The following BRCA1 variants were observed in gnomAD, a reference collection of about 807,000 sequenced individuals.
BRCA1 encodes BRCA1 DNA repair associated, also known as breast cancer type 1 susceptibility protein.
Under a neutral mutation model 173.7 loss-of-function variants are expected in BRCA1, and 140 were observed. The ratio of observed to expected loss-of-function variants is 0.81; its 90% CI spans 0.70 to 0.93. The LOEUF is 0.93. Ranked by LOEUF, BRCA1 falls within the 40% of genes least tolerant of loss-of-function variation. The probability of loss-of-function intolerance (pLI) is 0.00; values close to 1 mark genes in which losing one functional copy is unlikely to be tolerated. For synonymous variants in BRCA1, 662 were observed against 756.0 expected, an observed-to-expected ratio of 0.88 and a Z score of 2.04; for missense variants, 1,983 against 2,172.5, an observed-to-expected ratio of 0.91 and a Z score of 1.73.
At chr17:43,091,161 C>T (rs1401366489) in intron 10 of BRCA1, 129 bp from the exon 11 acceptor site, 18 of 1,015,634 alleles carry the variant, frequency 1.8e-5, no homozygotes, top group Non-Finnish European at 2.7e-5. Context: ...AAATTCCTTG[C>T]TTTGGGACAC....
chr17:43,125,428 G>A (rs916153090), upstream of BRCA1: 12 of 374,450 alleles, frequency 3.2e-5, no homozygotes, highest in African/African-American at 2.5e-4. Context: ...CCGTTGCCAC[G>A]GAAACCAAGG....
rs80357507 is a variant in BRCA1 at position 43,093,329 on chromosome 17, TTTCTC to T, written c.2197_2201del (p.Glu733ThrfsTer5). On this transcript the variant is annotated frameshift_variant, in exon 10 of 23. Coordinates refer to ENST00000357654, the MANE Select transcript of BRCA1 (RefSeq NM_007294.4). LOFTEE classifies it high-confidence loss of function. ...TATTAGACACTTTAACTGTTTCTAG[TTTCTC>T]TTCTTTTTCTTCTCTTGGAAGGCTA... 1.2e-6 allele frequency: 2 copies of T among 1,613,394 alleles called. No individual in the cohort carries two copies. The highest frequency in any genetic ancestry group is 1.7e-6 in the Non-Finnish European group (2 of 1,179,892).
intron 1 of BRCA1, among the ~76,000 whole-genome samples, chr17:43,159,155 G>T (rs1283895296): frequency 6.6e-6 from 1 of 152,240 alleles, no homozygotes; most frequent in East Asian, 1.9e-4. Context: ...GGAGGCTGAG[G>T]TGGGAGGATC....
At chr17:43,106,824 T>C (rs1459429779) in intron 3 of BRCA1, among the ~76,000 whole-genome samples, 1 of 152,236 alleles carries the variant, frequency 6.6e-6, no homozygotes, top group Non-Finnish European at 1.5e-5. Context: ...TATTTAATGA[T>C]ATATTCATAA....
At chr17:43,065,234 C>A (rs1295931184) in intron 16 of BRCA1, among the ~76,000 whole-genome samples, 3 of 152,116 alleles carry the variant, frequency 2.0e-5, no homozygotes, top group African/African-American at 7.2e-5. Context: ...CTTGTTCTGG[C>A]ACCTGGCTCC....
chr17:43,085,163 A>G (rs2053178418), intron 11 of BRCA1, among the ~76,000 whole-genome samples: 1 of 152,148 alleles, frequency 6.6e-6, no homozygotes, highest in African/African-American at 2.4e-5. Context: ...ATACAGCTAC[A>G]TTACTGTAGA....
intron 1 of BRCA1, among the ~76,000 whole-genome samples, chr17:43,156,552 G>GGGAAAAA: frequency 6.6e-6 from 1 of 152,194 alleles, no homozygotes; most frequent in African/African-American, 2.4e-5. Context: ...GAGATGACTT[G>GGGAAAAA]TACCAATGTG....
At chr17:43,135,687 G>C (rs1382097770) in intron 1 of BRCA1, among the ~76,000 whole-genome samples, 4 of 152,146 alleles carry the variant, frequency 2.6e-5, no homozygotes, top group Non-Finnish European at 5.9e-5. Flanking sequence ...CTAAAGCCTC[G>C]GCTCCAACCG....
chr17:43,141,667 C>G (rs544037095), intron 1 of BRCA1, among the ~76,000 whole-genome samples: 1 of 150,626 alleles, frequency 6.6e-6, no homozygotes, highest in Admixed American at 6.6e-5. Context: ...AAAAAATTAG[C>G]CAGGTGTGGT....
chr17:43,147,441 G>T (rs911866675), intron 1 of BRCA1, among the ~76,000 whole-genome samples: 3 of 151,968 alleles, frequency 2.0e-5, no homozygotes, highest in Admixed American at 1.3e-4. Context: ...TGCCCGCCTC[G>T]GCCTCCCAAA....
chr17:43,103,989 C>A, intron 6 of BRCA1, 133 bp downstream of exon 6: 2 of 1,173,986 alleles, frequency 1.7e-6, no homozygotes, highest in Non-Finnish European at 2.4e-6. Context: ...TGCCTGTAAT[C>A]CCAGCTACTA....
chr17:43,047,569 C>G (rs2152751595), intron 22 of BRCA1, 74 bp downstream of exon 22: 1 of 1,422,840 alleles, frequency 7.0e-7, no homozygotes, highest in East Asian at 2.3e-5. Flanking sequence ...GCTACTCAAG[C>G]ACCAGGTAAT....
intron 1 of BRCA1, among the ~76,000 whole-genome samples, chr17:43,133,637 CTTT>C (rs34083503): frequency 5.0e-5 from 7 of 138,668 alleles, no homozygotes; most frequent in Admixed American, 1.5e-4. Context: ...TTTTCACTTC[CTTT>C]TTTTTTTTTT....
At chr17:43,124,198 A>C in intron 1 of BRCA1, 83 bp from the exon 2 acceptor site, 1 of 837,186 alleles carries the variant, frequency 1.2e-6, no homozygotes, top group Non-Finnish European at 1.9e-6. Context: ...TTTTAAAATA[A>C]AGTAAATTTA....
chr17:43,068,955 G>A (rs1175683849), intron 15 of BRCA1, among the ~76,000 whole-genome samples: 1 of 152,200 alleles, frequency 6.6e-6, no homozygotes, highest in East Asian at 1.9e-4. Flanking sequence ...TATGGGCACA[G>A]TTGACCTAGC....
chr17:43,062,840 G>T (rs940915434), intron 18 of BRCA1, among the ~76,000 whole-genome samples: 1 of 152,004 alleles, frequency 6.6e-6, no homozygotes, highest in African/African-American at 2.4e-5. Context: ...CAGGCAATCT[G>T]CCTGTCTTGG....
At chr17:43,122,016 C>T (rs2055601664) in intron 2 of BRCA1, among the ~76,000 whole-genome samples, 1 of 152,116 alleles carries the variant, frequency 6.6e-6, no homozygotes, top group Non-Finnish European at 1.5e-5. Context: ...TTTCCTGCTT[C>T]TCTGGCTCTG....
Position 43,074,494 on chromosome 17 carries a change from T to C in BRCA1, c.4512A>G (p.Leu1504=), listed in dbSNP as rs1555582056. The C allele has an allele frequency of 1.2e-6, 2 of 1,613,982 alleles. No homozygotes were observed. Among genetic ancestry groups the C allele is most frequent in the Non-Finnish European group, 1.7e-6 (2 of 1,179,836 alleles). The part of the protein sequence containing the change: ...ERSSPSKCPS[L]DDRWYMHSCS... The stretch of plus-strand genomic sequence containing the variant: ...AACTGTGCATGTACCACCTATCATC[T>C]AATGATGGGCATTTAGAAGGGGATG... The change falls in exon 14 of 23, where the codon TTA becomes TTG. Residue 1504 remains leucine (L), a synonymous_variant. Coordinates refer to ENST00000357654, the MANE Select transcript of BRCA1 (RefSeq NM_007294.4).
intron 4 of BRCA1, 150 bp downstream of exon 4, chr17:43,106,306 A>G: frequency 1.7e-6 from 1 of 583,536 alleles, no homozygotes; most frequent in Admixed American, 3.2e-5. Flanking sequence ...CTTTCAGGAA[A>G]ATAACTTTGG....
Sources: allele counts gnomAD v4.1 joint callset (sites outside exome capture counted in the v4.1 genomes callset), GRCh38; gene constraint gnomAD v4.1.1; transcripts MANE v1.5; gene names NCBI Gene and HGNC (gene_info 2026-07-23, HGNC 2026-07-21).